Variants in DCLK1 observed in about 807,000 individuals in gnomAD.
DCLK1 encodes serine/threonine-protein kinase DCLK1.
In DCLK1, 16 loss-of-function variants were observed where a neutral mutation model predicts 86.2. That is an observed-to-expected ratio of 0.19 (90% CI 0.13 to 0.28). The LOEUF (loss-of-function observed/expected upper bound fraction) is 0.28, where lower values mean the gene tolerates loss of function less well. Ranked by LOEUF, DCLK1 falls within the 10% of genes least tolerant of loss-of-function variation. The pLI, the probability that DCLK1 is intolerant of heterozygous loss-of-function variation, is 1.00. For synonymous variants in DCLK1, 369 were observed against 370.5 expected, an observed-to-expected ratio of 1.00 and a Z score of 0.05; for missense variants, 590 against 940.2, an observed-to-expected ratio of 0.63 and a Z score of 4.87.
intron 4 of DCLK1, among the ~76,000 whole-genome samples, chr13:35,891,687 G>A (rs1404270487): frequency 3.3e-5 from 5 of 152,202 alleles, no homozygotes; most frequent in Non-Finnish European, 7.3e-5. Flanking sequence ...AGAGTGATGT[G>A]CAAAGTAAAG....
chr13:35,959,049 G>A (rs138509470), intron 3 of DCLK1, among the ~76,000 whole-genome samples: 22 of 152,232 alleles, frequency 1.4e-4, no homozygotes, highest in Admixed American at 3.9e-4. Flanking sequence ...AAGACATTAC[G>A]TTTTTACAAA....
At chr13:35,798,331 C>T (rs144931184) in intron 15 of DCLK1, among the ~76,000 whole-genome samples, 7 of 152,138 alleles carry the variant, frequency 4.6e-5, no homozygotes, top group Non-Finnish European at 7.4e-5. Flanking sequence ...CATCCCCTTG[C>T]GGATTTTTGG....
Position 36,112,163 on chromosome 13 carries a change from G to C in DCLK1, c.429C>G (p.Thr143=), listed in dbSNP as rs201366460. The change falls in exon 3 of 17, where the codon ACC becomes ACG. Residue 143 remains threonine (T), a synonymous_variant. Coordinates refer to ENST00000360631, the MANE Select transcript of DCLK1 (RefSeq NM_001330071.2). ...CCGACCAGTTGGGGTTCACATTCTT[G>C]GTGTACTCCAGTTTCTTGAAGGGCT... The part of the protein sequence containing the change: ...SIEPFKKLEY[T]KNVNPNWSVN... 63 of 1,607,832 alleles carry C rather than the reference G, an allele frequency of 3.9e-5. No individual in the cohort carries two copies. The highest frequency in any genetic ancestry group is 2.0e-4 in the South Asian group (18 of 91,006).
At chr13:36,085,751 G>A (rs1045201743) in intron 3 of DCLK1, among the ~76,000 whole-genome samples, 3 of 152,096 alleles carry the variant, frequency 2.0e-5, no homozygotes, top group Admixed American at 6.6e-5. Context: ...GAGCTCCCTG[G>A]GAGGGAAGGC....
rs544721435 is a variant in DCLK1, at chr13:35,990,791, G to A, written c.724-43334C>T. On this transcript the variant is annotated intron_variant, in intron 3 of 16. Transcript: ENST00000360631. ...TTTTGTTGGTTTTTAAACAGCCAACGTGGGGATTTTTTTTTAAGTGAGATA... is the reference window on the plus strand; with the variant it reads ...TTTTGTTGGTTTTTAAACAGCCAACATGGGGATTTTTTTTTAAGTGAGATA... Among the ~76,000 whole-genome samples, 28 of 118,278 alleles carry A rather than the reference G, an allele frequency of 2.4e-4. No individual in the cohort carries two copies. The East Asian group carries it at 4.1e-3, about 17-fold the overall frequency. 77.6% of individuals were successfully genotyped at this position (118,278 alleles called of 152,430 possible).
chr13:35,833,679 G>T (rs1055876476), intron 8 of DCLK1, among the ~76,000 whole-genome samples: 3 of 152,130 alleles, frequency 2.0e-5, no homozygotes, highest in African/African-American at 7.2e-5. Flanking sequence ...TTCACCCTTG[G>T]TAATACATAT....
intron 11 of DCLK1, among the ~76,000 whole-genome samples, chr13:35,814,458 C>A (rs2087224182): frequency 6.6e-6 from 1 of 152,192 alleles, no homozygotes. Context: ...ACTTGGCGTT[C>A]CTCCTTATTC....
At chr13:35,847,893 C>T (rs1870330454) in intron 6 of DCLK1, 1 of 985,230 alleles carries the variant, frequency 1.0e-6, no homozygotes, top group Non-Finnish European at 1.2e-6. Flanking sequence ...GATTTTTCCC[C>T]CTGCCTAGTT....
In DCLK1 at chr13:35,870,883, A is replaced by G. The variant is rs570303700; in HGVS notation, c.940+341T>C. On this transcript the variant is annotated intron_variant, in intron 5 of 16. Coordinates refer to ENST00000360631, the MANE Select transcript of DCLK1 (RefSeq NM_001330071.2). Reference sequence around the variant, plus strand: ...CGAATACAAATGGGAAACTCTTCATAGGCCAGTCTCAGGTAGAATAAATGC... The same window carrying G: ...CGAATACAAATGGGAAACTCTTCATGGGCCAGTCTCAGGTAGAATAAATGC... Among the ~76,000 whole-genome samples the G allele has an allele frequency of 1.8e-4, 27 of 152,360 alleles. 1 individual carries two copies. The South Asian group carries it at 5.4e-3, about 30-fold the overall frequency.
intron 3 of DCLK1, among the ~76,000 whole-genome samples, chr13:35,989,965 C>T (rs540889214): frequency 6.6e-6 from 1 of 152,052 alleles, no homozygotes; most frequent in Non-Finnish European, 1.5e-5. Context: ...GCCAGATATA[C>T]CTTTTTGCTT....
intron 3 of DCLK1, among the ~76,000 whole-genome samples, chr13:35,958,171 TCAC>T (rs1878194033): frequency 2.4e-5 from 1 of 41,690 alleles, no homozygotes; most frequent in Non-Finnish European, 5.8e-5. Context: ...ATCACCACCA[TCAC>T]CACTATAACC....
At chr13:35,871,885 G>C (rs1469676960) in intron 4 of DCLK1, among the ~76,000 whole-genome samples, 2 of 152,168 alleles carry the variant, frequency 1.3e-5, no homozygotes, top group African/African-American at 4.8e-5. Context: ...TGAAGAGGTG[G>C]TATTTCCCTG....
At chr13:35,804,296 ATT>A (rs71081286) in intron 15 of DCLK1, among the ~76,000 whole-genome samples, 80,743 of 139,328 alleles carry the variant, frequency 0.58, 23,672 homozygotes, top group African/African-American at 0.73. Context: ...ATGCCTAGCT[ATT>A]TTTTTTTTTT....
chr13:35,893,486 A>G (rs1048734939), intron 4 of DCLK1, among the ~76,000 whole-genome samples: 1 of 152,148 alleles, frequency 6.6e-6, no homozygotes, highest in African/African-American at 2.4e-5. Flanking sequence ...TGACCTGAAA[A>G]TCCAAAATCT....
rs2068363597 is a variant in DCLK1 at position 35,817,048 on chromosome 13, G to A, written c.1554+5681C>T. 1.3e-5 allele frequency among the ~76,000 whole-genome samples: 2 copies of A among 152,118 alleles called. 1 individual carries two copies. Among genetic ancestry groups the A allele is most frequent in the South Asian group, 4.1e-4 (2 of 4,832 alleles). On this transcript the variant is annotated intron_variant, in intron 11 of 16. Coordinates refer to ENST00000360631, the MANE Select transcript of DCLK1 (RefSeq NM_001330071.2). ...TTATCCTCTTAACTTTGCCATCATT[G>A]TATGTTATTTTTAATTTTTGCTAGT...
At chr13:35,848,346 G>A in intron 6 of DCLK1, 1 of 984,926 alleles carries the variant, frequency 1.0e-6, no homozygotes, top group Non-Finnish European at 1.2e-6. Flanking sequence ...TAGTTTAATA[G>A]AATTATGTTT....
Position 35,859,165 on chromosome 13 carries a change from C to G in DCLK1, c.941-4572G>C, listed in dbSNP as rs573821544. On this transcript the variant is annotated intron_variant, in intron 5 of 16. Coordinates refer to ENST00000360631, the MANE Select transcript of DCLK1 (RefSeq NM_001330071.2). ...AGGCCCTTATTACACAATTCTTTAT[C>G]TTGAATGGGAACAATTAAACTAACA... 3.3e-5 allele frequency among the ~76,000 whole-genome samples: 5 copies of G among 152,234 alleles called. No individual in the cohort carries two copies. The Middle Eastern group carries it at 0.01, about 311-fold the overall frequency.
chr13:35,785,638 G>A (rs1177948062), intron 16 of DCLK1, among the ~76,000 whole-genome samples: 1 of 152,154 alleles, frequency 6.6e-6, no homozygotes, highest in Non-Finnish European at 1.5e-5. Context: ...ACCCTGAGGA[G>A]ATGGTTTTCC....
At chr13:36,129,047 G>A (rs1196741112) in intron 1 of DCLK1, among the ~76,000 whole-genome samples, 1 of 152,208 alleles carries the variant, frequency 6.6e-6, no homozygotes, top group East Asian at 1.9e-4. Flanking sequence ...CACTTTTGAA[G>A]TTTGTGTTTT....
Sources: gnomAD v4.1 joint callset for allele counts (sites outside exome capture counted in the v4.1 genomes callset) on GRCh38, gnomAD v4.1.1 for gene constraint, MANE v1.5 for transcripts, NCBI Gene and HGNC (gene_info 2026-07-23, HGNC 2026-07-21) for gene names.